Variants in GNPTAB observed in about 807,000 individuals in gnomAD.
GNPTAB encodes N-acetylglucosamine-1-phosphotransferase subunits alpha/beta.
In GNPTAB, 92 loss-of-function variants were observed where a neutral mutation model predicts 136.6. That is an observed-to-expected ratio of 0.67 (90% confidence interval 0.57 to 0.80). GNPTAB has a LOEUF of 0.80. Among genes scored for constraint, GNPTAB ranks in the 30% least tolerant of loss-of-function variants. The pLI, the probability that GNPTAB is intolerant of heterozygous loss-of-function variation, is 0.00. For synonymous variants in GNPTAB, 512 were observed against 535.1 expected (o/e 0.96, Z 0.60); for missense variants, 1,343 against 1,501.8 (o/e 0.89, Z 1.75).
At position 101,753,524 on chromosome 12, in the gene GNPTAB, C is replaced by A; in HGVS notation, c.3450G>T (p.Leu1150=). 6.2e-7 allele frequency: 1 copy of A among 1,613,864 alleles called. No individual in the cohort carries two copies. Among genetic ancestry groups the A allele is most frequent in the Non-Finnish European group, 8.5e-7 (1 of 1,179,798 alleles). The change falls in exon 19 of 21, where the codon CTG becomes CTT. Residue 1150 remains leucine (L), a synonymous_variant. Coordinates refer to ENST00000299314, the MANE Select transcript of GNPTAB (RefSeq NM_024312.5). The part of the protein sequence containing the change: ...IRKNPRKFVC[L]NDNIDHNHKD... ...TATGATTGTGGTCAATGTTGTCATT[C>A]AGGCAAACAAACTTCCTGAAATAAC...
intron 2 of GNPTAB, among the ~76,000 whole-genome samples, chr12:101,791,892 C>T (rs919744039): frequency 5.3e-5 from 8 of 152,116 alleles, no homozygotes; most frequent in Admixed American, 4.6e-4. Context: ...TCTTATTGAG[C>T]GCTTAATATG....
In GNPTAB at chr12:101,776,718, C is replaced by A. The variant is rs535011549; in HGVS notation, c.771+3434G>T. On this transcript the variant is annotated intron_variant, in intron 7 of 20. Coordinates refer to ENST00000299314, the MANE Select transcript of GNPTAB (RefSeq NM_024312.5). ...TTCCCTATATATCCCAAGATATTGCCTCATATGGCTCATTCCTTAAGCAGC... is the reference window on the plus strand; with the variant it reads ...TTCCCTATATATCCCAAGATATTGCATCATATGGCTCATTCCTTAAGCAGC... Among the ~76,000 whole-genome samples, 5 of 152,308 alleles carry A rather than the reference C, an allele frequency of 3.3e-5. No individual in the cohort carries two copies. In the South Asian group the frequency reaches 1.0e-3, roughly 32 times the overall value.
chr12:101,752,890 T>C (rs895521794), intron 19 of GNPTAB, among the ~76,000 whole-genome samples: 1 of 152,202 alleles, frequency 6.6e-6, no homozygotes, highest in African/African-American at 2.4e-5. Context: ...TAAATGTCTT[T>C]CAAATATTAA....
At chr12:101,812,271 A>G (rs1402354272) in intron 1 of GNPTAB, among the ~76,000 whole-genome samples, 4 of 151,902 alleles carry the variant, frequency 2.6e-5, no homozygotes. Context: ...AATTAAAATA[A>G]ACAACCAGAT....
intron 7 of GNPTAB, chr12:101,778,680 G>A (rs1404603232): frequency 2.0e-5 from 3 of 152,262 alleles, no homozygotes; most frequent in Non-Finnish European, 4.4e-5. Context: ...GCCAAGGTGA[G>A]GGGATCACCT....
intron 7 of GNPTAB, 48 bp from the exon 8 acceptor site, chr12:101,771,205 A>T: frequency 2.8e-6 from 4 of 1,427,766 alleles, no homozygotes; most frequent in Non-Finnish European, 4.0e-6. Flanking sequence ...AATCTCAAGG[A>T]TGAAGCACCT....
At chr12:101,771,228 T>C in intron 7 of GNPTAB, 71 bp from the exon 8 acceptor site, 2 of 1,174,858 alleles carry the variant, frequency 1.7e-6, no homozygotes. Context: ...AAATTCCCAC[T>C]CTGCTCTTTA....
At chr12:101,820,622 G>A (rs1419262319) in intron 1 of GNPTAB, among the ~76,000 whole-genome samples, 1 of 152,152 alleles carries the variant, frequency 6.6e-6, no homozygotes, top group African/African-American at 2.4e-5. Flanking sequence ...TGCCCCAGCT[G>A]TATCAACCAA....
At chr12:101,820,723 T>G (rs1870747076) in intron 1 of GNPTAB, among the ~76,000 whole-genome samples, 1 of 152,134 alleles carries the variant, frequency 6.6e-6, no homozygotes, top group African/African-American at 2.4e-5. Flanking sequence ...GCCTCAGCAA[T>G]TCTTACCCTC....
At chr12:101,772,887 G>C (rs570977679) in intron 7 of GNPTAB, among the ~76,000 whole-genome samples, 6 of 152,128 alleles carry the variant, frequency 3.9e-5, no homozygotes, top group Non-Finnish European at 8.8e-5. Flanking sequence ...TGTGATCTCG[G>C]CTCACTGCAA....
intron 15 of GNPTAB, among the ~76,000 whole-genome samples, chr12:101,760,776 CTT>C (rs1441993554): frequency 2.1e-5 from 3 of 146,124 alleles, no homozygotes; most frequent in African/African-American, 7.5e-5. Context: ...TTAAAATTTT[CTT>C]TTCTTTTTTT....
intron 5 of GNPTAB, 123 bp downstream of exon 5, chr12:101,785,887 CTT>C: frequency 1.3e-6 from 1 of 775,092 alleles, no homozygotes; most frequent in Non-Finnish European, 2.1e-6. Flanking sequence ...TTTTGCTTCT[CTT>C]TGTGCATTTT....
At chr12:101,803,205 TA>T (rs1369414220) in intron 1 of GNPTAB, among the ~76,000 whole-genome samples, 2 of 152,198 alleles carry the variant, frequency 1.3e-5, no homozygotes, top group African/African-American at 4.8e-5. Flanking sequence ...AAAGAAAAGA[TA>T]AATGTACCAT....
At chr12:101,796,188 C>T (rs1368415156) in intron 2 of GNPTAB, 1 of 701,112 alleles carries the variant, frequency 1.4e-6, no homozygotes, top group Non-Finnish European at 2.6e-6. Flanking sequence ...CCGGCCAGGG[C>T]TCAGAAACCG....
chr12:101,830,068 A>G (rs1871290001), intron 1 of GNPTAB, among the ~76,000 whole-genome samples: 1 of 152,052 alleles, frequency 6.6e-6, no homozygotes. Flanking sequence ...CAAACCACTT[A>G]AAAATACAGC....
chr12:101,782,239 A>C (rs56137188), intron 5 of GNPTAB, among the ~76,000 whole-genome samples: 4 of 151,246 alleles, frequency 2.6e-5, no homozygotes, highest in Admixed American at 6.6e-5. Context: ...ACCTTTATAT[A>C]TGGTACCAAA....
At chr12:101,775,754 AAAAG>A (rs1953254692) in intron 7 of GNPTAB, among the ~76,000 whole-genome samples, 4 of 152,170 alleles carry the variant, frequency 2.6e-5, no homozygotes, top group Admixed American at 2.6e-4. Flanking sequence ...ATAAAACAAA[AAAAG>A]AAAAAGGTAC....
chr12:101,821,392 C>A (rs1870796860), intron 1 of GNPTAB, among the ~76,000 whole-genome samples: 1 of 152,190 alleles, frequency 6.6e-6, no homozygotes, highest in Admixed American at 6.5e-5. Flanking sequence ...GGATGCTGAG[C>A]ACAGAAATAG....
rs1470981251 is a variant in GNPTAB at position 101,749,193 on chromosome 12, T to A, written c.3603-2A>T. On this transcript the variant is annotated splice_acceptor_variant, in intron 19 of 20. Coordinates refer to ENST00000299314, the MANE Select transcript of GNPTAB (RefSeq NM_024312.5). LOFTEE classifies it high-confidence loss of function. ...TTCAATTTGTCTCGATAAGCCCTCC[T>A]GTGCAGAGAGAAGAAAGCAACTATG... 6.3e-7 allele frequency: 1 copy of A among 1,588,628 alleles called. No individual in the cohort carries two copies. Among genetic ancestry groups the A allele is most frequent in the Non-Finnish European group, 8.6e-7 (1 of 1,157,470 alleles).
Sources: allele counts gnomAD v4.1 joint callset (sites outside exome capture counted in the v4.1 genomes callset), GRCh38; gene constraint gnomAD v4.1.1; transcripts MANE v1.5; gene names NCBI Gene and HGNC (gene_info 2026-07-23, HGNC 2026-07-21).